RPS6KA3: variants seen among roughly 807,000 people sequenced by gnomAD.
RPS6KA3 encodes the protein ribosomal protein S6 kinase A3, also known as ribosomal protein S6 kinase alpha-3.
RPS6KA3 carries 4 observed loss-of-function variants against 67.2 expected under a neutral mutation model. The ratio of observed to expected loss-of-function variants is 0.06; its 90% CI spans 0.03 to 0.14. The LOEUF is 0.14. Ranked by LOEUF, RPS6KA3 falls within the 10% of genes least tolerant of loss-of-function variation. The pLI is 1.00. For missense variants in RPS6KA3, 204 were observed against 559.0 expected, an observed-to-expected ratio of 0.36 and a Z score of 6.40; for synonymous variants, 182 against 183.7, an observed-to-expected ratio of 0.99 and a Z score of 0.07.
rs369500071 is a variant in RPS6KA3 at position 20,165,841 on chromosome X, G to A, written c.1603-781C>T. ...ATTTTCCTCTTTTAATGATCTACCT[G>A]AGTACAGTAGTCCCCCCTTATCCGT... On this transcript the variant is annotated intron_variant, in intron 17 of 21. Transcript: ENST00000379565. Among the ~76,000 whole-genome samples the A allele has an allele frequency of 2.1e-4, 23 of 111,293 alleles. No individual in the cohort carries two copies. In the South Asian group the frequency reaches 5.3e-3, roughly 26 times the overall value.
intron 2 of RPS6KA3, chrX:20,218,940 C>G: frequency 6.3e-6 from 4 of 632,888 alleles, no homozygotes; most frequent in Non-Finnish European, 9.7e-6. Flanking sequence ...CCAGCTGTTC[C>G]GGCAATTAGA....
chrX:20,256,167 C>T (rs1408708070), intron 1 of RPS6KA3, among the ~76,000 whole-genome samples: 16 of 47,727 alleles, frequency 3.4e-4, no homozygotes, highest in Non-Finnish European at 4.0e-4. Context: ...AGTGAGACAC[C>T]GTCTCAAAAA....
chrX:20,233,122 C>T (rs890765008), intron 2 of RPS6KA3, among the ~76,000 whole-genome samples: 1 of 110,724 alleles, frequency 9.0e-6, no homozygotes, highest in Non-Finnish European at 1.9e-5. Context: ...AGCAGCAGAG[C>T]GAGACTCTGT....
chrX:20,254,102 A>T (rs1434970625), intron 1 of RPS6KA3, among the ~76,000 whole-genome samples: 1 of 112,204 alleles, frequency 8.9e-6, no homozygotes, highest in Non-Finnish European at 1.9e-5. Context: ...GAAGGAAAAG[A>T]GGCAAATAAG....
chrX:20,249,844 T>C (rs1004923176), intron 1 of RPS6KA3, among the ~76,000 whole-genome samples: 3 of 112,413 alleles, frequency 2.7e-5, no homozygotes, highest in Non-Finnish European at 5.6e-5. Context: ...TAGCCCACAG[T>C]CCTGAAGATC....
At chrX:20,179,124 C>A (rs2067779668) in intron 10 of RPS6KA3, among the ~76,000 whole-genome samples, 1 of 111,214 alleles carries the variant, frequency 9.0e-6, no homozygotes, top group African/African-American at 3.3e-5. Context: ...TTGGAGAATA[C>A]CTAATTATGC....
Position 20,155,523 on chromosome X carries a change from G to A in RPS6KA3, c.2101-3C>T, listed in dbSNP as rs1221903998. On this transcript the variant is annotated splice_polypyrimidine_tract_variant and splice_region_variant and intron_variant, in intron 21 of 21. Coordinates refer to ENST00000379565, the MANE Select transcript of RPS6KA3 (RefSeq NM_004586.3). ...GAATATGTAGCTGCCATGGCACCCT[G>A]AACAAAGGAAATAAAGGTAGTAACA... 1.7e-6 allele frequency: 2 copies of A among 1,210,515 alleles called. No individual in the cohort carries two copies. Among genetic ancestry groups the A allele is most frequent in the African/African-American group, 3.5e-5 (2 of 57,733 alleles).
chrX:20,169,323 CAT>C, intron 16 of RPS6KA3, 77 bp downstream of exon 16: 2 of 678,679 alleles, frequency 2.9e-6, no homozygotes, highest in Non-Finnish European at 4.8e-6. Context: ...TTGTCTACCA[CAT>C]GATTTTTGAA....
At chrX:20,197,380 C>T (rs1225233793) in intron 4 of RPS6KA3, among the ~76,000 whole-genome samples, 3 of 112,353 alleles carry the variant, frequency 2.7e-5, no homozygotes, top group Non-Finnish European at 5.6e-5. Flanking sequence ...AATAAATGCA[C>T]TGTATATCCC....
At chrX:20,198,210 C>T (rs912826289) in intron 4 of RPS6KA3, among the ~76,000 whole-genome samples, 13 of 112,024 alleles carry the variant, frequency 1.2e-4, no homozygotes, top group Non-Finnish European at 2.4e-4. Context: ...ACTGCATAAA[C>T]TCACAAGGAC....
At position 20,266,735 on chromosome X, in the gene RPS6KA3, GGCGGCGGCGGCGGCA is replaced by G. The variant is rs1302774997; in HGVS notation, c.-118_-104del. 162 of 321,507 alleles carry G rather than the reference GGCGGCGGCGGCGGCA, an allele frequency of 5.0e-4. 1 individual carries two copies. The African/African-American group carries it at 6.2e-3, about 12-fold the overall frequency. 26.5% of individuals were successfully genotyped at this position (321,507 alleles called of 1,213,427 possible). A position where few individuals can be genotyped will look rare whatever the true frequency, so the allele number is the denominator to read the frequency against. ...CGAGCCCCACGGCAGCGGCGGCGGC[GGCGGCGGCGGCGGCA>G]GCGGCAGCGGCAGCGGCAGCAGCAG... On this transcript the variant is annotated 5_prime_UTR_variant, in exon 1 of 22. Transcript: ENST00000379565.
At chrX:20,246,380 CAGGGGAAACGACAATTACTGTTATTTG>C (rs1273015097) in intron 1 of RPS6KA3, among the ~76,000 whole-genome samples, 2 of 110,782 alleles carry the variant, frequency 1.8e-5, no homozygotes, top group African/African-American at 6.6e-5. Flanking sequence ...CTCATCTTGT[CAGGGGAAACGACAATTACTGTTATTTG>C]AGGGGATTTT....
At chrX:20,265,457 C>A (rs1196308814) in intron 1 of RPS6KA3, 1 of 112,362 alleles carries the variant, frequency 8.9e-6, no homozygotes, top group Admixed American at 9.4e-5. Flanking sequence ...CCCGTTCCAC[C>A]CCCGCGTTTC....
At chrX:20,264,262 A>G (rs774430918) in intron 1 of RPS6KA3, among the ~76,000 whole-genome samples, 101 of 112,609 alleles carry the variant, frequency 9.0e-4, no homozygotes, top group African/African-American at 2.6e-3. Context: ...TGAAAACAGC[A>G]AATTGTGGAA....
intron 1 of RPS6KA3, among the ~76,000 whole-genome samples, chrX:20,241,441 A>T (rs2069548541): frequency 9.1e-6 from 1 of 109,612 alleles, no homozygotes; most frequent in Non-Finnish European, 1.9e-5. Flanking sequence ...AAAAAAAAAG[A>T]AAGAAAGAAA....
At chrX:20,210,134 G>A (rs1047935332) in intron 2 of RPS6KA3, among the ~76,000 whole-genome samples, 1 of 111,973 alleles carries the variant, frequency 8.9e-6, no homozygotes, top group African/African-American at 3.2e-5. Context: ...AAAAGACAGT[G>A]AACATTTTAA....
At chrX:20,267,034 G>C (rs1437045915), upstream of RPS6KA3, 6 of 752,232 alleles carry the variant, frequency 8.0e-6, no homozygotes, top group Non-Finnish European at 4.7e-6. Flanking sequence ...GCGCCTAAGC[G>C]ATACCTGTCT....
intron 14 of RPS6KA3, among the ~76,000 whole-genome samples, chrX:20,174,347 CTTTTTTTT>C (rs746491012): frequency 1.1e-5 from 1 of 91,460 alleles, no homozygotes; most frequent in Non-Finnish European, 2.2e-5. Context: ...ATTCTACTTT[CTTTTTTTT>C]TTTTTTTTTT....
chrX:20,211,361 A>G (rs962809900), intron 2 of RPS6KA3, among the ~76,000 whole-genome samples: 2 of 111,307 alleles, frequency 1.8e-5, no homozygotes, highest in African/African-American at 6.5e-5. Context: ...AGTAAGTGGT[A>G]GACTTAGGGC....
Sources: gnomAD v4.1 joint callset for allele counts (sites outside exome capture counted in the v4.1 genomes callset) on GRCh38, gnomAD v4.1.1 for gene constraint, MANE v1.5 for transcripts, NCBI Gene and HGNC (gene_info 2026-07-23, HGNC 2026-07-21) for gene names.